The following CPLANE1 variants were observed in gnomAD, a reference collection of about 807,000 sequenced individuals.
CPLANE1 encodes ciliogenesis and planar polarity effector 1.
CPLANE1 carries 263 observed loss-of-function variants against 362.5 expected under a neutral mutation model. The observed-to-expected ratio is 0.73, with a 90% confidence interval of 0.66 to 0.80. The LOEUF is 0.80. Ranked by LOEUF, CPLANE1 falls within the 30% of genes least tolerant of loss-of-function variation. CPLANE1 has a pLI of 0.00. For synonymous variants in CPLANE1, 1,212 were observed against 1,302.6 expected (o/e 0.93, Z 1.50); for missense variants, 3,461 against 3,793.4 (o/e 0.91, Z 2.30).
At chr5:37,168,698 G>A (rs748255357) in intron 34 of CPLANE1, 93 bp downstream of exon 34, 63 of 1,044,074 alleles carry the variant, frequency 6.0e-5, no homozygotes, top group African/African-American at 9.6e-5. Flanking sequence ...ATTTTTTTAT[G>A]TACAAGAGCT....
intron 44 of CPLANE1, chr5:37,141,592 CT>C: frequency 2.1e-6 from 2 of 958,262 alleles, no homozygotes; most frequent in South Asian, 4.8e-5. Flanking sequence ...AGCATTTTTA[CT>C]GTTTATATCA....
At chr5:37,117,427 A>G (rs1015011018) in intron 50 of CPLANE1, among the ~76,000 whole-genome samples, 2 of 151,954 alleles carry the variant, frequency 1.3e-5, no homozygotes, top group African/African-American at 4.8e-5. Context: ...AGCCACCATT[A>G]TCTCTAATTT....
At chr5:37,168,187 A>G (rs1778812612) in intron 34 of CPLANE1, among the ~76,000 whole-genome samples, 1 of 151,282 alleles carries the variant, frequency 6.6e-6, no homozygotes, top group South Asian at 2.1e-4. Flanking sequence ...GTGGGTTTAT[A>G]AAACTACCAT....
chr5:37,181,609 G>A (rs1782672227), intron 26 of CPLANE1, among the ~76,000 whole-genome samples: 1 of 152,156 alleles, frequency 6.6e-6, no homozygotes, highest in Admixed American at 6.5e-5. Flanking sequence ...GAGCTCAGGA[G>A]TTTGAGACCA....
intron 42 of CPLANE1, 54 bp from the exon 43 acceptor site, chr5:37,148,322 A>G: frequency 1.5e-6 from 2 of 1,291,894 alleles, no homozygotes; most frequent in Non-Finnish European, 2.2e-6. Context: ...TAATTTCAAA[A>G]TAACAAACAG....
Position 37,107,538 on chromosome 5 carries a change from A to T in CPLANE1, c.*64T>A. Reference sequence around the variant, plus strand: ...ATTGCTTCTGTCCCTTAAACCTGTTAATCTTTCAGAACCACATTACTGAGG... The same window carrying T: ...ATTGCTTCTGTCCCTTAAACCTGTTTATCTTTCAGAACCACATTACTGAGG... On this transcript the variant is annotated 3_prime_UTR_variant, in exon 53 of 53. Transcript: ENST00000651892. The T allele has an allele frequency of 7.0e-7, 1 of 1,428,582 alleles. No individual in the cohort carries two copies. Among genetic ancestry groups the T allele is most frequent in the Non-Finnish European group, 9.2e-7 (1 of 1,082,214 alleles). The allele number at this position is 1,428,582 out of a possible 1,614,324, so 88.5% of individuals were successfully genotyped here.
At chr5:37,139,411 T>C in intron 44 of CPLANE1, 41 bp from the exon 45 acceptor site, 1 of 1,155,902 alleles carries the variant, frequency 8.7e-7, no homozygotes, top group South Asian at 1.8e-5. Flanking sequence ...TTGGGTTTTT[T>C]TTTGCTTTCA....
At chr5:37,160,683 T>C (rs537917807) in intron 38 of CPLANE1, among the ~76,000 whole-genome samples, 1 of 151,296 alleles carries the variant, frequency 6.6e-6, no homozygotes, top group Non-Finnish European at 1.5e-5. Flanking sequence ...TTTTTTTTTT[T>C]TTTTTGGAGA....
the CPLANE1 span, among the ~76,000 whole-genome samples, chr5:37,077,348 A>T: frequency 6.6e-6 from 1 of 152,054 alleles, no homozygotes; most frequent in Admixed American, 6.6e-5. Flanking sequence ...TTCACTTTTC[A>T]TCACTATCCT....
rs1775811864 is a variant in CPLANE1 at position 37,158,424 on chromosome 5, C to A, written c.7691-79G>T. ...CTCCAAATCATCAGCTTTGTATGAA[C>A]AAGTTAGCAACAAACAACATAAATT... On this transcript the variant is annotated intron_variant, in intron 38 of 52. Coordinates refer to ENST00000651892, the MANE Select transcript of CPLANE1 (RefSeq NM_001384732.1). The A allele has an allele frequency of 3.7e-6, 5 of 1,356,682 alleles. No homozygotes were observed. In the South Asian group the frequency reaches 5.8e-5, roughly 16 times the overall value. 84.0% of individuals were successfully genotyped at this position (1,356,682 alleles called of 1,614,324 possible).
intron 5 of CPLANE1, 54 bp downstream of exon 5, chr5:37,244,321 C>A: frequency 1.7e-6 from 2 of 1,170,492 alleles, no homozygotes; most frequent in Non-Finnish European, 2.4e-6. Context: ...ATAGTTATAC[C>A]ATTACACACT....
chr5:37,110,683 C>T (rs1281148029), intron 51 of CPLANE1, among the ~76,000 whole-genome samples: 1 of 151,952 alleles, frequency 6.6e-6, no homozygotes, highest in Admixed American at 6.6e-5. Flanking sequence ...CCTGACAGTC[C>T]TATGGAGAAA....
chr5:37,125,095 A>C, intron 47 of CPLANE1, 149 bp downstream of exon 47: 1 of 1,375,740 alleles, frequency 7.3e-7, no homozygotes, highest in Non-Finnish European at 9.7e-7. Context: ...ATAATTTATT[A>C]ACTTTTCCTG....
At chr5:37,229,629 T>G (rs1797269913) in intron 9 of CPLANE1, among the ~76,000 whole-genome samples, 1 of 152,186 alleles carries the variant, frequency 6.6e-6, no homozygotes, top group African/African-American at 2.4e-5. Flanking sequence ...ATAGATTAAT[T>G]TCAAATGTCT....
intron 49 of CPLANE1, among the ~76,000 whole-genome samples, chr5:37,121,358 G>A: frequency 6.6e-6 from 1 of 152,172 alleles, no homozygotes; most frequent in Non-Finnish European, 1.5e-5. Flanking sequence ...GGACTGCACA[G>A]ATACCAAATT....
chr5:37,169,909 T>C (rs1779288681), intron 33 of CPLANE1, 132 bp downstream of exon 33: 1 of 874,396 alleles, frequency 1.1e-6, no homozygotes, highest in Non-Finnish European at 1.8e-6. Flanking sequence ...GTATTTTTAG[T>C]AGAGACGGGG....
the CPLANE1 span, among the ~76,000 whole-genome samples, chr5:37,078,483 C>T: frequency 6.6e-6 from 1 of 152,120 alleles, no homozygotes; most frequent in African/African-American, 2.4e-5. Context: ...CACATATTTG[C>T]TATTGTGAAT....
chr5:37,120,324 G>T lies in CPLANE1; in HGVS notation c.9202C>A (p.His3068Asn). ...CCAGGTCGATTTATTAGAAAACTGT[G>T]ACCATGTTGATTCTCTCTATAGTAG... The part of the protein sequence containing the change: ...PSPRGENQHG[H>N]SFLINRPGKV... The change falls in exon 50 of 53, where the codon CAC (histidine) becomes AAC (asparagine). Residue 3068 changes from histidine to asparagine, a missense_variant. Around this residue, in one of 2 missense-constraint regions of CPLANE1, gnomAD observed 3,380 missense variants for 3,666.1 expected, o/e 0.92. Coordinates refer to ENST00000651892, the MANE Select transcript of CPLANE1 (RefSeq NM_001384732.1). 1 of 1,583,814 alleles carries T rather than the reference G, an allele frequency of 6.3e-7. No homozygotes were observed.
chr5:37,154,682 T>C (rs1774554576), intron 41 of CPLANE1, among the ~76,000 whole-genome samples: 1 of 152,032 alleles, frequency 6.6e-6, no homozygotes, highest in African/African-American at 2.4e-5. Context: ...TCTTCTGCCA[T>C]CCATTCCTTT....
Sources: allele counts gnomAD v4.1 joint callset (sites outside exome capture counted in the v4.1 genomes callset), GRCh38; gene constraint gnomAD v4.1.1; regional missense constraint gnomAD v4.1.1; transcripts MANE v1.5; gene names NCBI Gene and HGNC (gene_info 2026-07-23, HGNC 2026-07-21).